Variants in NFIB observed in about 807,000 individuals in gnomAD.
NFIB encodes the protein nuclear factor 1 B-type.
In NFIB, 11 loss-of-function variants were observed where a neutral mutation model predicts 61.5. The observed-to-expected ratio is 0.18, with a 90% CI of 0.11 to 0.30. The LOEUF is 0.30. NFIB is among the 10% of genes least tolerant of loss of function. NFIB has a pLI of 1.00. For missense variants in NFIB, 471 were observed against 608.9 expected (o/e 0.77, Z 2.38); for synonymous variants, 260 against 216.5 (o/e 1.20, Z -1.76).
chr9:14,402,454 G>A (rs1588427686), upstream of NFIB, among the ~76,000 whole-genome samples: 1 of 152,126 alleles, frequency 6.6e-6, no homozygotes, highest in South Asian at 2.1e-4. Flanking sequence ...TTTTAATTAT[G>A]AGGAAATAAT....
At chr9:14,145,059 A>G (rs7045411) in intron 6 of NFIB, among the ~76,000 whole-genome samples, 37,266 of 151,786 alleles carry the variant, frequency 0.25, 5,564 homozygotes, top group African/African-American at 0.4. Flanking sequence ...GATGATTTTT[A>G]CCTACTGCCT....
intron 2 of NFIB, chr9:14,204,499 C>A: frequency 1.9e-6 from 2 of 1,076,370 alleles, no homozygotes; most frequent in Non-Finnish European, 2.8e-6. Flanking sequence ...ACCAGTTCAC[C>A]CAGGACCTGG....
the NFIB span, among the ~76,000 whole-genome samples, chr9:14,469,814 C>A: frequency 6.6e-6 from 1 of 152,080 alleles, no homozygotes. Context: ...TCAAACTAAC[C>A]CAAGGAAGGG....
Position 14,120,651 on chromosome 9 carries a change from G to A in NFIB, c.1061-27C>T. The stretch of plus-strand genomic sequence containing the variant: ...TGCAGAAGACAGAAAAGGAAAGATT[G>A]ACTCATCAGCTGGTTACCTTATTGC... On this transcript the variant is annotated intron_variant, in intron 7 of 10. Transcript: ENST00000380953. This position sits in a 1 kb window ranked among gnomAD's most constrained non-coding sequence, Gnocchi z 4.4. The A allele has an allele frequency of 4.5e-6, 7 of 1,566,532 alleles. No homozygotes were observed. Among genetic ancestry groups the A allele is most frequent in the Non-Finnish European group, 6.0e-6 (7 of 1,158,560 alleles).
At chr9:14,097,046 C>T (rs1381953119) in intron 10 of NFIB, among the ~76,000 whole-genome samples, 1 of 152,122 alleles carries the variant, frequency 6.6e-6, no homozygotes, top group African/African-American at 2.4e-5. Flanking sequence ...AAAGCCAGAC[C>T]ACAGATGTTG....
Position 14,287,152 on chromosome 9 carries a change from C to CCGGG in NFIB, c.562+19833_562+19836dup, listed in dbSNP as rs369748408. Among the ~76,000 whole-genome samples, 414 of 152,152 alleles carry CCGGG rather than the reference C, an allele frequency of 2.7e-3. 1 individual carries two copies. Among genetic ancestry groups the CCGGG allele is most frequent in the African/African-American group, 9.7e-3 (402 of 41,542 alleles). On this transcript the variant is annotated intron_variant, in intron 2 of 10. Coordinates refer to ENST00000380953, the MANE Select transcript of NFIB (RefSeq NM_001190737.2). ...GCTACTTTAAAAGAGCTATTATAGGCCGGGCGCGGTGGCTCACACCTGTAA... is the reference window on the plus strand; with the variant it reads ...GCTACTTTAAAAGAGCTATTATAGGCCGGGCGGGCGCGGTGGCTCACACCTGTAA...
At chr9:14,274,349 G>A (rs1182686105) in intron 2 of NFIB, among the ~76,000 whole-genome samples, 1 of 150,344 alleles carries the variant, frequency 6.7e-6, no homozygotes, top group South Asian at 2.1e-4. Context: ...AATTTCTCAG[G>A]GGCTTAGGAG....
intron 2 of NFIB, among the ~76,000 whole-genome samples, chr9:14,230,958 T>C (rs537791916): frequency 3.6e-4 from 54 of 149,258 alleles, no homozygotes; most frequent in African/African-American, 1.3e-3. Flanking sequence ...TGGATTCTGG[T>C]GGCGAAAGGC....
upstream of NFIB, among the ~76,000 whole-genome samples, chr9:14,400,204 A>C (rs886716018): frequency 6.6e-6 from 1 of 152,180 alleles, no homozygotes; most frequent in African/African-American, 2.4e-5. Flanking sequence ...AAATTACTTA[A>C]TCTTTAAACA....
chr9:14,296,467 A>C (rs1041897472), intron 2 of NFIB, among the ~76,000 whole-genome samples: 2 of 152,272 alleles, frequency 1.3e-5, no homozygotes, highest in Non-Finnish European at 2.9e-5. Context: ...TCTTCCCCAA[A>C]TTCCTACGTT....
intron 2 of NFIB, among the ~76,000 whole-genome samples, chr9:14,288,965 G>C (rs931111801): frequency 3.3e-5 from 5 of 151,192 alleles, no homozygotes; most frequent in African/African-American, 9.7e-5. Context: ...CTACTTCTTT[G>C]ACTATATGAT....
chr9:14,255,931 T>A (rs13302371), intron 2 of NFIB, among the ~76,000 whole-genome samples: 1 of 152,238 alleles, frequency 6.6e-6, no homozygotes, highest in Non-Finnish European at 1.5e-5. Flanking sequence ...CATGCTAGCA[T>A]AGTATTAGTG....
At chr9:14,384,195 G>T (rs966772087) in intron 1 of NFIB, among the ~76,000 whole-genome samples, 1 of 152,058 alleles carries the variant, frequency 6.6e-6, no homozygotes, top group Non-Finnish European at 1.5e-5. Flanking sequence ...CATCTTTCTC[G>T]CAGCAACATC....
the NFIB span, among the ~76,000 whole-genome samples, chr9:14,457,874 A>G: frequency 6.6e-6 from 1 of 152,212 alleles, no homozygotes; most frequent in African/African-American, 2.4e-5. Flanking sequence ...GGCAATAATT[A>G]ATAGCTTACC....
chr9:14,169,440 C>G (rs2045316826), intron 3 of NFIB, among the ~76,000 whole-genome samples: 1 of 152,090 alleles, frequency 6.6e-6, no homozygotes, highest in South Asian at 2.1e-4. Flanking sequence ...CAAAAGACCC[C>G]AAAAAGATTT....
chr9:14,403,462 A>C (rs943209081), upstream of NFIB, among the ~76,000 whole-genome samples: 2 of 152,082 alleles, frequency 1.3e-5, no homozygotes, highest in Admixed American at 1.3e-4. Context: ...TCAGACTCTT[A>C]ATTCTAAATC....
chr9:14,419,143 G>T, the NFIB span, among the ~76,000 whole-genome samples: 2 of 151,758 alleles, frequency 1.3e-5, no homozygotes, highest in East Asian at 3.9e-4. Context: ...TTGCACTAAA[G>T]TGGGACTGGG....
chr9:14,330,508 A>G (rs985731347), intron 1 of NFIB, among the ~76,000 whole-genome samples: 1 of 152,218 alleles, frequency 6.6e-6, no homozygotes, highest in Non-Finnish European at 1.5e-5. Flanking sequence ...AATCCATTCT[A>G]TGAAAATAAC....
the NFIB span, among the ~76,000 whole-genome samples, chr9:14,475,354 C>G: frequency 6.6e-6 from 1 of 151,988 alleles, no homozygotes; most frequent in Non-Finnish European, 1.5e-5. Context: ...AAGAACCTTT[C>G]GACCATTAGT....
Sources: gnomAD v4.1 joint callset for allele counts (sites outside exome capture counted in the v4.1 genomes callset) on GRCh38, gnomAD v4.1.1 for gene constraint, Gnocchi (gnomAD v3.1) non-coding constraint, MANE v1.5 for transcripts, NCBI Gene and HGNC (gene_info 2026-07-23, HGNC 2026-07-21) for gene names.